Variants in ETFA observed in about 807,000 individuals in gnomAD.
The protein encoded by ETFA is electron transfer flavoprotein subunit alpha.
ETFA carries 22 observed loss-of-function variants against 46.2 expected under a neutral mutation model. The observed-to-expected ratio is 0.48, with a 90% CI of 0.34 to 0.68. The LOEUF (loss-of-function observed/expected upper bound fraction) is 0.68. Ranked by LOEUF, ETFA falls within the 30% of genes least tolerant of loss-of-function variation. The probability of loss-of-function intolerance (pLI) is 0.01; values close to 1 mark genes in which losing one functional copy is unlikely to be tolerated. For missense variants in ETFA, 345 were observed against 401.1 expected (o/e 0.86, Z 1.19); for synonymous variants, 131 against 139.9 (o/e 0.94, Z 0.45).
At chr15:76,216,831 G>A (rs2038900973) in intron 11 of ETFA, among the ~76,000 whole-genome samples, 1 of 132,546 alleles carries the variant, frequency 7.5e-6, no homozygotes, top group Non-Finnish European at 1.6e-5. Context: ...TTGCCTAGGT[G>A]CCTTTTGCCT....
chr15:76,282,984 C>T (rs2039669845), intron 8 of ETFA, among the ~76,000 whole-genome samples: 1 of 151,966 alleles, frequency 6.6e-6, no homozygotes. Context: ...CAAAAAACAT[C>T]ACTCCCTTCT....
rs1448797677 is a variant in ETFA, at chr15:76,311,427, C to T, written c.-39G>A. 1 of 1,547,696 alleles carries T rather than the reference C, an allele frequency of 6.5e-7. No homozygotes were observed. Among genetic ancestry groups the T allele is most frequent in the East Asian group, 2.4e-5 (1 of 41,184 alleles). ...GCCGCAACCTCGGCCTTACAGCAGC[C>T]CCGTGCCCGGCCAACTGGCGCCGCC... On this transcript the variant is annotated 5_prime_UTR_variant, in exon 1 of 12. Coordinates refer to ENST00000557943, the MANE Select transcript of ETFA (RefSeq NM_000126.4).
At position 76,295,614 on chromosome 15, in the gene ETFA, C is replaced by T. The variant is rs1035217923; in HGVS notation, c.163G>A (p.Val55Ile). Residue 55 changes from valine (V) to isoleucine (I), a missense_variant, in exon 2 of 12, where the codon GTA (valine) becomes ATA (isoleucine). Transcript: ENST00000557943. Reference protein sequence around the residue: ...TRLGGEVSCLVAGTKCDKVAQ... With the variant: ...TRLGGEVSCLIAGTKCDKVAQ... Reference sequence around the variant, plus strand: ...ACCTTGTCACATTTGGTTCCAGCTACTAAGCAGGACACTTCACCTCCAAGG... The same window carrying T: ...ACCTTGTCACATTTGGTTCCAGCTATTAAGCAGGACACTTCACCTCCAAGG... 1 of 1,613,636 alleles carries T rather than the reference C, an allele frequency of 6.2e-7. No homozygotes were observed. Among genetic ancestry groups the T allele is most frequent in the Non-Finnish European group, 8.5e-7 (1 of 1,179,636 alleles).
At chr15:76,301,746 A>G (rs899029053) in intron 1 of ETFA, among the ~76,000 whole-genome samples, 1 of 152,142 alleles carries the variant, frequency 6.6e-6, no homozygotes, top group Non-Finnish European at 1.5e-5. Flanking sequence ...CCTCTTCATC[A>G]AAGGAATGAG....
chr15:76,261,975 T>C (rs1437922637), intron 9 of ETFA, among the ~76,000 whole-genome samples: 2 of 152,156 alleles, frequency 1.3e-5, no homozygotes, highest in African/African-American at 2.4e-5. Flanking sequence ...ATTTTGGAAT[T>C]AGCACACAAG....
chr15:76,304,780 C>T (rs541266599), intron 1 of ETFA, among the ~76,000 whole-genome samples: 45 of 152,110 alleles, frequency 3.0e-4, no homozygotes, highest in South Asian at 8.3e-4. Flanking sequence ...AGCGGTGGCT[C>T]ACACCTGTAA....
intron 2 of ETFA, among the ~76,000 whole-genome samples, chr15:76,294,079 ATCTCT>A (rs538111509): frequency 2.6e-5 from 4 of 152,236 alleles, no homozygotes; most frequent in Admixed American, 6.5e-5. Flanking sequence ...CTATTAAACG[ATCTCT>A]TCATACAGGT....
chr15:76,245,202 A>T (rs1885535926), intron 9 of ETFA: 1 of 152,206 alleles, frequency 6.6e-6, no homozygotes, highest in African/African-American at 2.4e-5. Context: ...AAGCATGCTT[A>T]GGGTTTTTTC....
intron 1 of ETFA, among the ~76,000 whole-genome samples, chr15:76,301,197 C>T (rs1450303603): frequency 3.3e-5 from 5 of 152,150 alleles, no homozygotes; most frequent in Admixed American, 1.3e-4. Context: ...TTCTTTGGAC[C>T]GTCTCGGACT....
At position 76,237,684 on chromosome 15, in the gene ETFA, A is replaced by G. The variant is rs542626906; in HGVS notation, c.817-6286T>C. Among the ~76,000 whole-genome samples, 10 of 152,344 alleles carry G rather than the reference A, an allele frequency of 6.6e-5. No individual in the cohort carries two copies. In the South Asian group the frequency reaches 1.7e-3, roughly 25 times the overall value. On this transcript the variant is annotated intron_variant, in intron 9 of 11. Coordinates refer to ENST00000557943, the MANE Select transcript of ETFA (RefSeq NM_000126.4). ...GTACTCAAAATATTTCTATAATGCT[A>G]TTATTTCTAAAATGATCATCAAATC...
chr15:76,223,338 C>T (rs1186913848), intron 11 of ETFA, among the ~76,000 whole-genome samples: 1 of 151,616 alleles, frequency 6.6e-6, no homozygotes, highest in Admixed American at 6.6e-5. Context: ...GTGCCCCAGC[C>T]TCTCAAGTAG....
At chr15:76,301,035 A>T (rs1164743982) in intron 1 of ETFA, among the ~76,000 whole-genome samples, 1 of 152,174 alleles carries the variant, frequency 6.6e-6, no homozygotes. Context: ...ACGTCTCAGT[A>T]CCTCAGTTCT....
intron 9 of ETFA, among the ~76,000 whole-genome samples, chr15:76,237,864 G>A (rs762465365): frequency 6.6e-6 from 1 of 152,114 alleles, no homozygotes; most frequent in Non-Finnish European, 1.5e-5. Context: ...CCAGGGGAGT[G>A]TACTGGGAAA....
chr15:76,269,203 C>T (rs4886788), intron 9 of ETFA, among the ~76,000 whole-genome samples: 37,581 of 151,994 alleles, frequency 0.25, 5,583 homozygotes, highest in East Asian at 0.56. Flanking sequence ...ATAGCTGTGG[C>T]GGTTTTACAA....
Position 76,231,335 on chromosome 15 carries a change from T to C in ETFA, c.880A>G (p.Lys294Glu), listed in dbSNP as rs774043017. The C allele has an allele frequency of 6.3e-7, 1 of 1,591,204 alleles. No individual in the cohort carries two copies. Among genetic ancestry groups the C allele is most frequent in the Admixed American group, 1.7e-5 (1 of 60,000 alleles). ...IQHLAGMKDSKTIVAINKDPE... is the reference protein window; with the variant it reads ...IQHLAGMKDSETIVAINKDPE... ...TAACATCACTGATGTACAATTACCTTGCTGTCTTTCATCCCAGCTAAATGT... is the reference window on the plus strand; with the variant it reads ...TAACATCACTGATGTACAATTACCTCGCTGTCTTTCATCCCAGCTAAATGT... The change falls in exon 10 of 12, where the codon AAG becomes GAG. Residue 294 changes from lysine to glutamate, a missense_variant and splice_region_variant. Physicochemically the swap from Lys to Glu is moderately conservative, Grantham distance 56. Coordinates refer to ENST00000557943, the MANE Select transcript of ETFA (RefSeq NM_000126.4).
intron 11 of ETFA, chr15:76,217,691 C>G (rs1363237805): frequency 2.3e-6 from 1 of 440,978 alleles, no homozygotes; most frequent in African/African-American, 2.0e-5. Context: ...CAGGGAATGT[C>G]ACACAGATAC....
chr15:76,281,526 A>G (rs2039651709), intron 8 of ETFA, among the ~76,000 whole-genome samples: 1 of 151,954 alleles, frequency 6.6e-6, no homozygotes, highest in Non-Finnish European at 1.5e-5. Context: ...CCCAGGTTCA[A>G]GCGTTTCTCC....
intron 9 of ETFA, chr15:76,261,327 G>T: frequency 6.9e-7 from 1 of 1,450,406 alleles, no homozygotes; most frequent in Non-Finnish European, 9.6e-7. Context: ...CTGGCTGGGA[G>T]ATCTGGGTTT....
rs556006437 is a variant in ETFA at position 76,227,014 on chromosome 15, T to A, written c.883-1085A>T. Among the ~76,000 whole-genome samples, 396 of 152,344 alleles carry A rather than the reference T, an allele frequency of 2.6e-3. 3 individuals carry two copies. Among genetic ancestry groups the A allele is most frequent in the Non-Finnish European group, 4.3e-3 (295 of 68,022 alleles). ...GACGTTAAACAGCTTTAAGTCCTTA[T>A]GTACATAGCAAATAGATTAATAAAA... On this transcript the variant is annotated intron_variant, in intron 10 of 11. Coordinates refer to ENST00000557943, the MANE Select transcript of ETFA (RefSeq NM_000126.4).
Sources: allele counts gnomAD v4.1 joint callset (sites outside exome capture counted in the v4.1 genomes callset), GRCh38; gene constraint gnomAD v4.1.1; transcripts MANE v1.5; gene names NCBI Gene and HGNC (gene_info 2026-07-23, HGNC 2026-07-21).